The following NCAM1 variants were observed in gnomAD, a reference collection of about 807,000 sequenced individuals.
NCAM1 encodes antigen recognized by monoclonal antibody 5.1H11.
A neutral mutation model predicts 109.8 loss-of-function variants in NCAM1; 14 were observed. That is an observed-to-expected ratio of 0.13 (90% CI 0.08 to 0.20). The LOEUF (loss-of-function observed/expected upper bound fraction) is 0.20, where lower values mean the gene tolerates loss of function less well. Ranked by LOEUF, NCAM1 falls within the 10% of genes least tolerant of loss-of-function variation. The pLI, the probability that NCAM1 is intolerant of heterozygous loss-of-function variation, is 1.00. For missense variants in NCAM1, 774 were observed against 1,109.9 expected (o/e 0.70, Z 4.30); for synonymous variants, 418 against 442.9 (o/e 0.94, Z 0.70).
At chr11:113,171,054 G>A (rs1555106131) in intron 1 of NCAM1, among the ~76,000 whole-genome samples, 2 of 152,114 alleles carry the variant, frequency 1.3e-5, no homozygotes, top group African/African-American at 4.8e-5. Context: ...CAGAGAAAGT[G>A]GATTAATGAG....
intron 1 of NCAM1, among the ~76,000 whole-genome samples, chr11:113,050,576 C>T (rs1953442912): frequency 6.6e-6 from 1 of 151,972 alleles, no homozygotes; most frequent in Non-Finnish European, 1.5e-5. Flanking sequence ...GTTTTGGTTA[C>T]TATAGCCTTG....
At position 113,264,954 on chromosome 11, in the gene NCAM1, C is replaced by A. The variant is rs1456116436; in HGVS notation, c.2131+4631C>A. On this transcript the variant is annotated intron_variant, in intron 17 of 19. Transcript: ENST00000316851. The stretch of plus-strand genomic sequence containing the variant: ...TCCTGGAGACAGCAGCCCTCAGAGA[C>A]CCTGCAGGAGTGAGTGCACCCCACC... 5 of 985,542 alleles carry A rather than the reference C, an allele frequency of 5.1e-6. No individual in the cohort carries two copies. In the Admixed American group the frequency reaches 1.8e-4, roughly 36 times the overall value. 61.0% of individuals were successfully genotyped at this position (985,542 alleles called of 1,614,324 possible). A position where few individuals can be genotyped will look rare whatever the true frequency, so the allele number is the denominator to read the frequency against.
At chr11:113,245,829 A>G (rs1555120079) in intron 14 of NCAM1, among the ~76,000 whole-genome samples, 1 of 151,828 alleles carries the variant, frequency 6.6e-6, no homozygotes, top group African/African-American at 2.4e-5. Context: ...TCACCTTAAG[A>G]CTCTCGGGAC....
intron 1 of NCAM1, among the ~76,000 whole-genome samples, chr11:113,091,302 C>A (rs991053177): frequency 5.9e-5 from 9 of 152,006 alleles, no homozygotes; most frequent in Non-Finnish European, 1.2e-4. Flanking sequence ...GCTCCCTGCT[C>A]CCCTGTTTCT....
rs1951864988 is a variant in NCAM1, at chr11:113,005,299, A to C, written c.52+43635A>C. ...ATTCATAATCATAGAACATACCAAA[A>C]AGCCACAGAGACCCTATGTGGATGG... On this transcript the variant is annotated intron_variant, in intron 1 of 19. Coordinates refer to ENST00000316851, the MANE Select transcript of NCAM1 (RefSeq NM_181351.5). Among the ~76,000 whole-genome samples the C allele has an allele frequency of 3.3e-5, 5 of 152,278 alleles. No individual in the cohort carries two copies. The South Asian group carries it at 8.3e-4, about 25-fold the overall frequency.
chr11:113,252,745 C>CGTGCCTCA (rs1555121600), intron 15 of NCAM1, among the ~76,000 whole-genome samples: 1 of 145,826 alleles, frequency 6.9e-6, no homozygotes, highest in Non-Finnish European at 1.5e-5. Context: ...AAGTGGTTCT[C>CGTGCCTCA]GTGCCTCAGC....
chr11:113,029,009 C>A (rs1555077914), intron 1 of NCAM1, among the ~76,000 whole-genome samples: 1 of 152,160 alleles, frequency 6.6e-6, no homozygotes, highest in Non-Finnish European at 1.5e-5. Context: ...AATTACCCAG[C>A]TGACGTTGCT....
At chr11:113,275,053 C>T (rs1302428675) in intron 19 of NCAM1, among the ~76,000 whole-genome samples, 1 of 152,208 alleles carries the variant, frequency 6.6e-6, no homozygotes, top group African/African-American at 2.4e-5. Context: ...TTAAAAGTCA[C>T]TGTGTCCGGA....
At chr11:113,168,316 T>A (rs182813248) in intron 1 of NCAM1, among the ~76,000 whole-genome samples, 1 of 152,338 alleles carries the variant, frequency 6.6e-6, no homozygotes, top group African/African-American at 2.4e-5. Context: ...TTTTGCCCAA[T>A]TCACTTTTAC....
intron 1 of NCAM1, among the ~76,000 whole-genome samples, chr11:113,080,465 C>CTTTTTTTTTTTTTTTTTTTTTTTTTT (rs200415631): frequency 7.1e-6 from 1 of 140,834 alleles, no homozygotes. Context: ...GGTTTTTTTT[C>CTTTTTTTTTTTTTTTTTTTTTTTTTT]TTTTTTTTTT....
chr11:113,216,604 A>C (rs903396374), intron 8 of NCAM1, among the ~76,000 whole-genome samples: 8 of 152,166 alleles, frequency 5.3e-5, no homozygotes, highest in Non-Finnish European at 8.8e-5. Context: ...CATTTGTCTT[A>C]ATCTTAGATC....
At chr11:113,150,929 G>A (rs1332682143) in intron 1 of NCAM1, among the ~76,000 whole-genome samples, 1 of 152,172 alleles carries the variant, frequency 6.6e-6, no homozygotes, top group Non-Finnish European at 1.5e-5. Context: ...TATGGGAGAG[G>A]AAGCCCAGAT....
Position 113,277,527 on chromosome 11 carries a change from C to G in NCAM1, c.*2140C>G. ...GGTGTCTGAGACCGGGAGGGCCCAGCAGTGAGGGGCAGGCTCTTCTGGTCA... is the reference window on the plus strand; with the variant it reads ...GGTGTCTGAGACCGGGAGGGCCCAGGAGTGAGGGGCAGGCTCTTCTGGTCA... On this transcript the variant is annotated 3_prime_UTR_variant, in exon 20 of 20. Transcript: ENST00000316851. 2.5e-6 allele frequency: 1 copy of G among 398,280 alleles called. No homozygotes were observed. Among genetic ancestry groups the G allele is most frequent in the Non-Finnish European group, 4.4e-6 (1 of 225,974 alleles). 24.7% of individuals were successfully genotyped at this position (398,280 alleles called of 1,614,324 possible).
chr11:113,063,681 C>G (rs1555083771), intron 1 of NCAM1, among the ~76,000 whole-genome samples: 1 of 152,162 alleles, frequency 6.6e-6, no homozygotes, highest in Non-Finnish European at 1.5e-5. Flanking sequence ...TTCTGATGGA[C>G]CCATAAGCCC....
intron 1 of NCAM1, among the ~76,000 whole-genome samples, chr11:113,159,018 C>T (rs531786335): frequency 3.3e-5 from 5 of 152,252 alleles, no homozygotes; most frequent in South Asian, 2.1e-4. Context: ...CCAAGTAAAA[C>T]GTAAAGCTCA....
intron 1 of NCAM1, among the ~76,000 whole-genome samples, chr11:113,137,761 C>T (rs1447666860): frequency 2.0e-5 from 3 of 152,134 alleles, no homozygotes; most frequent in Non-Finnish European, 4.4e-5. Context: ...AAGTGTTCTT[C>T]AGGATAAAGG....
intron 1 of NCAM1, among the ~76,000 whole-genome samples, chr11:113,072,757 A>G (rs1938338874): frequency 6.7e-6 from 1 of 148,816 alleles, no homozygotes; most frequent in Admixed American, 6.7e-5. Context: ...ACTTTGCTAT[A>G]GTAAACTTTC....
At chr11:113,161,931 CT>C (rs1942613203) in intron 1 of NCAM1, among the ~76,000 whole-genome samples, 3 of 152,072 alleles carry the variant, frequency 2.0e-5, no homozygotes, top group Admixed American at 1.3e-4. Flanking sequence ...TTTTTTTCCC[CT>C]GAAACCTTGG....
chr11:113,021,527 TA>T (rs1555076292), intron 1 of NCAM1, among the ~76,000 whole-genome samples: 1 of 152,244 alleles, frequency 6.6e-6, no homozygotes, highest in Non-Finnish European at 1.5e-5. Context: ...TCATCCTTCC[TA>T]AATCTCAGAG....
Sources: gnomAD v4.1 joint callset for allele counts (sites outside exome capture counted in the v4.1 genomes callset) on GRCh38, gnomAD v4.1.1 for gene constraint, MANE v1.5 for transcripts, NCBI Gene and HGNC (gene_info 2026-07-23, HGNC 2026-07-21) for gene names.